ONECUT2: variants seen among roughly 807,000 people sequenced by gnomAD.
The protein encoded by ONECUT2 is one cut domain family member 2.
Under a neutral mutation model 27.9 loss-of-function variants are expected in ONECUT2, and 10 were observed. The ratio of observed to expected loss-of-function variants is 0.36; its 90% CI spans 0.22 to 0.61. The LOEUF is 0.61. Among genes scored for constraint, ONECUT2 ranks in the 20% least tolerant of loss-of-function variants. The pLI is 0.73. For synonymous variants in ONECUT2, 334 were observed against 315.1 expected (o/e 1.06, Z -0.64); for missense variants, 686 against 721.0 (o/e 0.95, Z 0.56).
At chr18:57,458,951 G>A (rs946391328) in intron 1 of ONECUT2, among the ~76,000 whole-genome samples, 6 of 152,078 alleles carry the variant, frequency 3.9e-5, no homozygotes, top group East Asian at 3.8e-4. Flanking sequence ...GCTTTATTTT[G>A]TTATATTTTT....
intron 1 of ONECUT2, among the ~76,000 whole-genome samples, chr18:57,439,851 T>C (rs2050164667): frequency 6.6e-6 from 1 of 152,182 alleles, no homozygotes; most frequent in African/African-American, 2.4e-5. Flanking sequence ...TCCCTTTCTC[T>C]CTCATTTTGG....
chr18:57,439,796 C>CG (rs2050164309), intron 1 of ONECUT2, among the ~76,000 whole-genome samples: 1 of 152,232 alleles, frequency 6.6e-6, no homozygotes, highest in African/African-American at 2.4e-5. Context: ...CCCTGCCCCC[C>CG]TCCCGCCAAA....
rs576702472 is a variant in ONECUT2, at chr18:57,490,869, C to T, written c.*14146C>T. Reference sequence around the variant, plus strand: ...GGAAAACACACCCCTAAAATTTGCACTCTCTTCCGTTTTGAAAAAGAAAAC... The same window carrying T: ...GGAAAACACACCCCTAAAATTTGCATTCTCTTCCGTTTTGAAAAAGAAAAC... On this transcript the variant is annotated 3_prime_UTR_variant, in exon 2 of 2. Transcript: ENST00000491143. 2 of 152,764 alleles carry T rather than the reference C, an allele frequency of 1.3e-5. No individual in the cohort carries two copies. Among genetic ancestry groups the T allele is most frequent in the Non-Finnish European group, 2.9e-5 (2 of 68,040 alleles). The allele number at this position is 152,764 out of a possible 1,614,324, so 9.5% of individuals were successfully genotyped here.
Position 57,485,943 on chromosome 18 carries a change from C to T in ONECUT2, c.*9220C>T, listed in dbSNP as rs1174708843. On this transcript the variant is annotated 3_prime_UTR_variant, in exon 2 of 2. Transcript: ENST00000491143. ...AAGAGTACATTGCTTTGGTTTTCTT[C>T]CTAAATTCCTATTGGAATTAGAACT... 1 of 152,332 alleles carries T rather than the reference C, an allele frequency of 6.6e-6. No homozygotes were observed. 9.4% of individuals were successfully genotyped at this position (152,332 alleles called of 1,614,324 possible). A position where few individuals can be genotyped will look rare whatever the true frequency, so the allele number is the denominator to read the frequency against.
intron 1 of ONECUT2, among the ~76,000 whole-genome samples, chr18:57,458,477 C>T (rs1478672635): frequency 2.6e-5 from 4 of 152,240 alleles, no homozygotes; most frequent in Admixed American, 2.6e-4. Context: ...TGGCATCACA[C>T]TGCATGCATC....
chr18:57,435,808 C>T lies in ONECUT2; in HGVS notation c.92C>T (p.Thr31Ile), dbSNP rs1463418795. ...NPELTMESLGTLHGPAGGGSG... is the reference protein window; with the variant it reads ...NPELTMESLGILHGPAGGGSG... The stretch of plus-strand genomic sequence containing the variant: ...GAGCTGACAATGGAAAGTCTGGGCA[C>T]TTTGCACGGGCCGGCCGGCGGCGGC... The change falls in exon 1 of 2, where the codon ACT becomes ATT. Residue 31 changes from threonine to isoleucine, a missense_variant. Thr to Ile is a moderately conservative substitution (Grantham distance 89). Transcript: ENST00000491143. 3 of 1,158,780 alleles carry T rather than the reference C, an allele frequency of 2.6e-6. No homozygotes were observed. The highest frequency in any genetic ancestry group is 1.1e-6 in the Non-Finnish European group (1 of 917,070). 71.8% of individuals were successfully genotyped at this position (1,158,780 alleles called of 1,614,324 possible). A position where few individuals can be genotyped will look rare whatever the true frequency, so the allele number is the denominator to read the frequency against.
chr18:57,481,292 C>T lies in ONECUT2; in HGVS notation c.*4569C>T, dbSNP rs534343205. The T allele has an allele frequency of 3.9e-5, 6 of 152,328 alleles. No homozygotes were observed. In the South Asian group the frequency reaches 1.2e-3, roughly 32 times the overall value. 9.4% of individuals were successfully genotyped at this position (152,328 alleles called of 1,614,324 possible). A position where few individuals can be genotyped will look rare whatever the true frequency, so the allele number is the denominator to read the frequency against. On this transcript the variant is annotated 3_prime_UTR_variant, in exon 2 of 2. Coordinates refer to ENST00000491143, the MANE Select transcript of ONECUT2 (RefSeq NM_004852.3). ...AGGCTAGTTGAACCAGGAAGCATGG[C>T]ACTTCCTCTGGAGAAATCCAGAAAG...
intron 1 of ONECUT2, among the ~76,000 whole-genome samples, chr18:57,447,411 G>A (rs374576229): frequency 2.0e-5 from 3 of 152,198 alleles, no homozygotes; most frequent in African/African-American, 7.2e-5. Flanking sequence ...CCCAGTGCAG[G>A]GCCTCATATT....
At position 57,485,468 on chromosome 18, in the gene ONECUT2, T is replaced by G. The variant is rs544460056; in HGVS notation, c.*8745T>G. 2.0e-5 allele frequency: 3 copies of G among 152,236 alleles called. No individual in the cohort carries two copies. Among genetic ancestry groups the G allele is most frequent in the Non-Finnish European group, 4.4e-5 (3 of 68,038 alleles). The allele number at this position is 152,236 out of a possible 1,614,324, so 9.4% of individuals were successfully genotyped here. On this transcript the variant is annotated 3_prime_UTR_variant, in exon 2 of 2. Coordinates refer to ENST00000491143, the MANE Select transcript of ONECUT2 (RefSeq NM_004852.3). Reference sequence around the variant, plus strand: ...TTCTTACTCATGAAATTAATTGGTCTTCTTCAAGTTTCTTTAGATTCCATT... The same window carrying G: ...TTCTTACTCATGAAATTAATTGGTCGTCTTCAAGTTTCTTTAGATTCCATT...
At chr18:57,437,200 C>CCG (rs2050147754) in intron 1 of ONECUT2, among the ~76,000 whole-genome samples, 1 of 152,068 alleles carries the variant, frequency 6.6e-6, no homozygotes, top group African/African-American at 2.4e-5. Context: ...CCGACCCCCC[C>CCG]CCATTTCATT....
chr18:57,470,216 G>A (rs1734115971), intron 1 of ONECUT2, among the ~76,000 whole-genome samples: 1 of 152,190 alleles, frequency 6.6e-6, no homozygotes, highest in Non-Finnish European at 1.5e-5. Flanking sequence ...GTCCAAGATG[G>A]CCTTGGCCAG....
Position 57,435,862 on chromosome 18 carries a change from G to C in ONECUT2, c.146G>C (p.Gly49Ala). 9.9e-7 allele frequency: 1 copy of C among 1,011,858 alleles called. No homozygotes were observed. The highest frequency in any genetic ancestry group is 1.2e-6 in the Non-Finnish European group (1 of 846,142). The allele number at this position is 1,011,858 out of a possible 1,614,324, so 62.7% of individuals were successfully genotyped here. ...GGCGGGGGCGGCGGCGGGGGCGGCGGGGGCGGCGGCGGGGGCCCGGGCCAT... is the reference window on the plus strand; with the variant it reads ...GGCGGGGGCGGCGGCGGGGGCGGCGCGGGCGGCGGCGGGGGCCCGGGCCAT... ...GSGGGGGGGG[G>A]GGGGGPGHEQ... Residue 49 changes from glycine (G) to alanine (A), a missense_variant, in exon 1 of 2, where the codon GGG (glycine) becomes GCG (alanine). Physicochemically the swap from Gly to Ala is moderately conservative, Grantham distance 60. Transcript: ENST00000491143.
chr18:57,447,112 T>G (rs775491288), intron 1 of ONECUT2, among the ~76,000 whole-genome samples: 1 of 152,230 alleles, frequency 6.6e-6, no homozygotes, highest in South Asian at 2.1e-4. Flanking sequence ...GTTTTGCAAT[T>G]GCAAAGAAGT....
At chr18:57,467,343 T>TG (rs201820657) in intron 1 of ONECUT2, 6 of 281,382 alleles carry the variant, frequency 2.1e-5, no homozygotes, top group South Asian at 6.7e-5. Context: ...ACATTTCCTT[T>TG]GGTTTTTTTT....
In ONECUT2 at chr18:57,441,650, G is replaced by T. The variant is rs575709139; in HGVS notation, c.1228+4706G>T. Among the ~76,000 whole-genome samples the T allele has an allele frequency of 8.5e-5, 13 of 152,392 alleles. No individual in the cohort carries two copies. In the South Asian group the frequency reaches 2.7e-3, roughly 32 times the overall value. On this transcript the variant is annotated intron_variant, in intron 1 of 1. Transcript: ENST00000491143. ...CTTCCTAACTATCCTGTGCTTGGCC[G>T]TTGCCACTGGGCCCTGGTGACTAAG...
intron 1 of ONECUT2, among the ~76,000 whole-genome samples, chr18:57,474,727 A>T (rs191963598): frequency 6.6e-6 from 1 of 152,306 alleles, no homozygotes; most frequent in African/African-American, 2.4e-5. Flanking sequence ...AAACATTCAG[A>T]CACCGTAGCA....
chr18:57,464,086 T>C (rs1190046980), intron 1 of ONECUT2, among the ~76,000 whole-genome samples: 1 of 152,156 alleles, frequency 6.6e-6, no homozygotes, highest in Non-Finnish European at 1.5e-5. Flanking sequence ...GGAGTCACAC[T>C]ACCTGAATTT....
At chr18:57,461,379 C>T (rs2050290494) in intron 1 of ONECUT2, among the ~76,000 whole-genome samples, 1 of 152,188 alleles carries the variant, frequency 6.6e-6, no homozygotes, top group Admixed American at 6.5e-5. Flanking sequence ...AGTTTTACTA[C>T]AGAGCTGCTC....
rs1297621562 is a variant in ONECUT2 at position 57,477,003 on chromosome 18, T to C, written c.*280T>C. On this transcript the variant is annotated 3_prime_UTR_variant, in exon 2 of 2. Transcript: ENST00000491143. ...ATGCTAAGCATCCCAGAAACCCAAA[T>C]GGGGCCTTCCTGGAGCGAGTTAATT... is the stretch of plus-strand genomic sequence containing the variant. 1.9e-5 allele frequency: 8 copies of C among 431,600 alleles called. No individual in the cohort carries two copies. Among genetic ancestry groups the C allele is most frequent in the Non-Finnish European group, 2.9e-5 (7 of 240,314 alleles). 26.7% of individuals were successfully genotyped at this position (431,600 alleles called of 1,614,324 possible).
Sources: gnomAD v4.1 joint callset for allele counts (sites outside exome capture counted in the v4.1 genomes callset) on GRCh38, gnomAD v4.1.1 for gene constraint, MANE v1.5 for transcripts, NCBI Gene and HGNC (gene_info 2026-07-23, HGNC 2026-07-21) for gene names.